The following MARS1 variants were observed in gnomAD, a reference collection of about 807,000 sequenced individuals.
The protein encoded by MARS1 is methionine--tRNA ligase, cytoplasmic.
MARS1 carries 80 observed loss-of-function variants against 119.5 expected under a neutral mutation model. The ratio of observed to expected loss-of-function variants is 0.67; its 90% CI spans 0.56 to 0.81. MARS1 has a LOEUF of 0.81. Among genes scored for constraint, MARS1 ranks in the 30% least tolerant of loss-of-function variants. The probability of loss-of-function intolerance (pLI) is 0.00; values close to 1 mark genes in which losing one functional copy is unlikely to be tolerated. For synonymous variants in MARS1, 418 were observed against 433.4 expected (o/e 0.96, Z 0.44); for missense variants, 945 against 1,116.5 (o/e 0.85, Z 2.19).
intron 11 of MARS1, 153 bp from the exon 12 acceptor site, chr12:57,511,545 T>C: frequency 1.4e-6 from 1 of 698,516 alleles, no homozygotes. Context: ...ATTGCACCAC[T>C]GCACTCTAGT....
chr12:57,498,658 G>A, intron 9 of MARS1, 35 bp downstream of exon 9: 1 of 1,595,006 alleles, frequency 6.3e-7, no homozygotes, highest in South Asian at 1.1e-5. Context: ...AATGGGGCTT[G>A]AAGGCTGAGA....
chr12:57,501,378 G>A (rs940728817), intron 10 of MARS1, among the ~76,000 whole-genome samples: 2 of 152,212 alleles, frequency 1.3e-5, no homozygotes, highest in South Asian at 4.1e-4. Context: ...TGGCAGGGAA[G>A]CAAGAAATAA....
intron 11 of MARS1, among the ~76,000 whole-genome samples, chr12:57,506,442 T>TA (rs1268661392): frequency 6.6e-6 from 1 of 152,066 alleles, no homozygotes; most frequent in African/African-American, 2.4e-5. Context: ...AATAAATAAA[T>TA]ACATAAAATA....
At position 57,488,125 on chromosome 12, in the gene MARS1, G is replaced by T. The variant is rs1875583014; in HGVS notation, c.35G>T (p.Cys12Phe). Residue 12 changes from cysteine to phenylalanine, a missense_variant, in exon 1 of 21, where the codon TGC becomes TTC. Coordinates refer to ENST00000262027, the MANE Select transcript of MARS1 (RefSeq NM_004990.4). The stretch of plus-strand genomic sequence containing the variant: ...TTCGTGAGTGATGGCGTCCCGGGTT[G>T]CTTGCCGGTGCTGGCCGCCGCCGGG... ...RLFVSDGVPG[C>F]LPVLAAAGRA... The T allele has an allele frequency of 6.2e-7, 1 of 1,614,188 alleles. No individual in the cohort carries two copies. Among genetic ancestry groups the T allele is most frequent in the Non-Finnish European group, 8.5e-7 (1 of 1,180,036 alleles).
chr12:57,494,494 A>ATTTTTTTTTTTTT (rs59160934), intron 7 of MARS1, among the ~76,000 whole-genome samples: 1 of 95,488 alleles, frequency 1.0e-5, no homozygotes, highest in Non-Finnish European at 2.1e-5. Context: ...CGCCTGGCTA[A>ATTTTTTTTTTTTT]TTTTTTTTTT....
chr12:57,509,344 C>T (rs1467404584), intron 11 of MARS1, among the ~76,000 whole-genome samples: 1 of 152,184 alleles, frequency 6.6e-6, no homozygotes, highest in African/African-American at 2.4e-5. Flanking sequence ...TAGATGTGCT[C>T]ATTGCTACTG....
chr12:57,490,851 G>T (rs1594808564), intron 7 of MARS1, among the ~76,000 whole-genome samples: 1 of 104,520 alleles, frequency 9.6e-6, no homozygotes. Context: ...TGTCCCATCT[G>T]CACCCATGTT....
rs763181419 is a variant in MARS1, at chr12:57,489,139, G to T, written c.200+30G>T. 9.3e-6 allele frequency: 15 copies of T among 1,608,438 alleles called. No homozygotes were observed. In the East Asian group the frequency reaches 3.3e-4, roughly 36 times the overall value. On this transcript the variant is annotated intron_variant, in intron 2 of 20. Coordinates refer to ENST00000262027, the MANE Select transcript of MARS1 (RefSeq NM_004990.4). ...GTATTGGTCCTTGGTGTAGGGAGGT[G>T]GCTGAATCAAATCAGGCCTCACTGT...
intron 9 of MARS1, among the ~76,000 whole-genome samples, chr12:57,498,852 G>A (rs1876772603): frequency 1.3e-5 from 2 of 152,142 alleles, no homozygotes; most frequent in Non-Finnish European, 2.9e-5. Context: ...CCAGACGCAG[G>A]CTGATGGGAA....
At chr12:57,501,812 ACT>A (rs942565076) in intron 10 of MARS1, among the ~76,000 whole-genome samples, 6 of 149,208 alleles carry the variant, frequency 4.0e-5, no homozygotes, top group African/African-American at 9.9e-5. Flanking sequence ...ACAAAGTAAG[ACT>A]CTGTCTAAAA....
At chr12:57,514,661 G>A (rs1877686897) in intron 15 of MARS1, 59 bp from the exon 16 acceptor site, 1 of 1,601,570 alleles carries the variant, frequency 6.2e-7, no homozygotes, top group Non-Finnish European at 8.5e-7. Context: ...TTCTAACAAG[G>A]AGACGGGATA....
chr12:57,488,470 C>T (rs1286839261), intron 1 of MARS1: 1 of 1,224,210 alleles, frequency 8.2e-7, no homozygotes, highest in Non-Finnish European at 1.2e-6. Context: ...ACTGCTCTTC[C>T]CTTCCCAACC....
At chr12:57,514,679 C>A in intron 15 of MARS1, 41 bp from the exon 16 acceptor site, 6 of 1,612,570 alleles carry the variant, frequency 3.7e-6, no homozygotes, top group Non-Finnish European at 4.2e-6. Flanking sequence ...ATAATAACTT[C>A]CCCTCTTTTT....
intron 7 of MARS1, among the ~76,000 whole-genome samples, chr12:57,496,020 A>G (rs1876609924): frequency 1.3e-5 from 2 of 152,044 alleles, no homozygotes; most frequent in Admixed American, 6.5e-5. Flanking sequence ...AGTCGGAGAC[A>G]GGGAGAGGGA....
At chr12:57,511,563 A>G (rs573567618) in intron 11 of MARS1, 135 bp from the exon 12 acceptor site, 11 of 825,136 alleles carry the variant, frequency 1.3e-5, no homozygotes, top group Middle Eastern at 3.7e-4. Context: ...AGTCTGGGCA[A>G]CAGAGCAAGA....
In MARS1 at chr12:57,493,841, A is replaced by T. The variant is rs1231540095; in HGVS notation, c.770+3197A>T. ...TATATATATTATATTATATATTATAATATATAATATATATATTTATATTAT... is the reference window on the plus strand; with the variant it reads ...TATATATATTATATTATATATTATATTATATAATATATATATTTATATTAT... On this transcript the variant is annotated intron_variant, in intron 7 of 20. Transcript: ENST00000262027. 1.4e-3 allele frequency among the ~76,000 whole-genome samples: 5 copies of T among 3,618 alleles called. No homozygotes were observed. In the Non-Finnish European group the frequency reaches 0.014, roughly 10 times the overall value. The allele number at this position is 3,618 out of a possible 152,430, so 2.4% of individuals were successfully genotyped here.
rs144195355 is a variant in MARS1 at position 57,503,600 on chromosome 12, G to A, written c.1294-625G>A. ...CTGCTCTGTCAGCAGCCTGGCGTGC[G>A]GTGGCATGATCTTGGCTCACTGCAA... On this transcript the variant is annotated intron_variant, in intron 10 of 20. Transcript: ENST00000262027. Among the ~76,000 whole-genome samples, 152 of 150,764 alleles carry A rather than the reference G, an allele frequency of 1.0e-3. 3 individuals are homozygous for A. The South Asian group carries it at 0.024, about 24-fold the overall frequency.
intron 11 of MARS1, among the ~76,000 whole-genome samples, chr12:57,510,823 C>T (rs1211507288): frequency 6.6e-6 from 1 of 151,998 alleles, no homozygotes; most frequent in African/African-American, 2.4e-5. Context: ...ATTCCAACTT[C>T]CAACACTTTG....
chr12:57,503,433 A>G (rs1019425222), intron 10 of MARS1, among the ~76,000 whole-genome samples: 2 of 151,926 alleles, frequency 1.3e-5, no homozygotes, highest in African/African-American at 4.8e-5. Context: ...AGGTTTCACC[A>G]TGCTGGCCAG....
Sources: gnomAD v4.1 joint callset for allele counts (sites outside exome capture counted in the v4.1 genomes callset) on GRCh38, gnomAD v4.1.1 for gene constraint, MANE v1.5 for transcripts, NCBI Gene and HGNC (gene_info 2026-07-23, HGNC 2026-07-21) for gene names.